Variants in FANCL observed in about 807,000 individuals in gnomAD.
FANCL encodes E3 ubiquitin-protein ligase FANCL.
A neutral mutation model predicts 59.4 loss-of-function variants in FANCL; 69 were observed. That is an observed-to-expected ratio of 1.16 (90% CI 0.96 to 1.42). The LOEUF is 1.42. Ranked by LOEUF, FANCL falls within the 40% of genes most tolerant of loss-of-function variation. The probability of loss-of-function intolerance (pLI) is 0.00; values close to 1 mark genes in which losing one functional copy is unlikely to be tolerated. For synonymous variants in FANCL, 180 were observed against 147.1 expected, an observed-to-expected ratio of 1.22 and a Z score of -1.62; for missense variants, 519 against 447.2, an observed-to-expected ratio of 1.16 and a Z score of -1.45.
rs73944840 is a variant in FANCL, at chr2:58,226,460, G to A, written c.273+268C>T. ...TAAACTCTCTGCTGATAGGCCAGGA[G>A]TACATTTTATTTCTTCACCACCTGC... On this transcript the variant is annotated intron_variant, in intron 4 of 13. Coordinates refer to ENST00000233741, the MANE Select transcript of FANCL (RefSeq NM_018062.4). Among the ~76,000 whole-genome samples, 3,813 of 152,174 alleles carry A rather than the reference G, an allele frequency of 0.025. 162 individuals are homozygous for A. Among genetic ancestry groups the A allele is most frequent in the African/African-American group, 0.088 (3,636 of 41,520 alleles).
chr2:58,177,986 C>T (rs1205955274), intron 7 of FANCL, among the ~76,000 whole-genome samples: 1 of 151,978 alleles, frequency 6.6e-6, no homozygotes, highest in African/African-American at 2.4e-5. Flanking sequence ...ACTAGAAAAT[C>T]TAGAAGAAGT....
At chr2:58,172,172 G>C (rs564011391) in intron 7 of FANCL, among the ~76,000 whole-genome samples, 1 of 152,208 alleles carries the variant, frequency 6.6e-6, no homozygotes, top group South Asian at 2.1e-4. Flanking sequence ...CTGGGGACAC[G>C]GCACAGACAA....
At chr2:58,204,328 T>G in intron 5 of FANCL, 102 bp from the exon 6 acceptor site, 1 of 895,072 alleles carries the variant, frequency 1.1e-6, no homozygotes, top group Non-Finnish European at 1.9e-6. Flanking sequence ...TATATTCCTA[T>G]TAATCCATTA....
At chr2:58,174,901 T>G (rs1687116706) in intron 7 of FANCL, among the ~76,000 whole-genome samples, 1 of 151,464 alleles carries the variant, frequency 6.6e-6, no homozygotes, top group South Asian at 2.1e-4. Flanking sequence ...GCAAGACTAA[T>G]AAAGAAGAGA....
At chr2:58,205,775 G>A (rs1194445513) in intron 5 of FANCL, among the ~76,000 whole-genome samples, 2 of 149,996 alleles carry the variant, frequency 1.3e-5, no homozygotes, top group East Asian at 3.8e-4. Context: ...CAAAAATGCA[G>A]TGTTCAGGAT....
At chr2:58,225,286 A>C (rs945812734) in intron 4 of FANCL, among the ~76,000 whole-genome samples, 1 of 151,896 alleles carries the variant, frequency 6.6e-6, no homozygotes, top group Non-Finnish European at 1.5e-5. Flanking sequence ...TCATTATTCT[A>C]AAAATTGGTT....
chr2:58,218,848 G>A (rs1692115586), intron 5 of FANCL, among the ~76,000 whole-genome samples: 1 of 151,810 alleles, frequency 6.6e-6, no homozygotes, highest in South Asian at 2.1e-4. Context: ...TGGAGTTGTA[G>A]ACATCAGTAT....
intron 7 of FANCL, chr2:58,194,209 G>T: frequency 2.1e-6 from 1 of 470,996 alleles, no homozygotes; most frequent in South Asian, 1.5e-5. Context: ...CACCAAGCCT[G>T]CACTTAGTGG....
chr2:58,214,888 G>A (rs1043436822), intron 5 of FANCL, among the ~76,000 whole-genome samples: 7 of 151,940 alleles, frequency 4.6e-5, no homozygotes, highest in Non-Finnish European at 1.0e-4. Context: ...ATTATTAGCA[G>A]GGTAAAAAAA....
At chr2:58,172,378 T>C (rs1161224145) in intron 7 of FANCL, among the ~76,000 whole-genome samples, 1 of 152,144 alleles carries the variant, frequency 6.6e-6, no homozygotes, top group Non-Finnish European at 1.5e-5. Flanking sequence ...ACACCTCACA[T>C]GGCCAGGTAC....
At chr2:58,164,106 C>T (rs990978570) in intron 8 of FANCL, among the ~76,000 whole-genome samples, 1 of 151,916 alleles carries the variant, frequency 6.6e-6, no homozygotes, top group Non-Finnish European at 1.5e-5. Flanking sequence ...CAATAAGTAA[C>T]CTAATTTCGC....
At chr2:58,230,303 A>G (rs1205691894) in intron 2 of FANCL, among the ~76,000 whole-genome samples, 1 of 152,066 alleles carries the variant, frequency 6.6e-6, no homozygotes, top group Non-Finnish European at 1.5e-5. Flanking sequence ...GATACATTTT[A>G]TTTTTATTTT....
At chr2:58,177,003 T>C (rs1393262940) in intron 7 of FANCL, among the ~76,000 whole-genome samples, 2 of 152,096 alleles carry the variant, frequency 1.3e-5, no homozygotes, top group Non-Finnish European at 2.9e-5. Flanking sequence ...AAGAAGACAT[T>C]TATGCAGCCA....
chr2:58,203,619 G>A (rs535947903), intron 6 of FANCL, among the ~76,000 whole-genome samples: 1 of 152,044 alleles, frequency 6.6e-6, no homozygotes, highest in Non-Finnish European at 1.5e-5. Flanking sequence ...TCTATAAATA[G>A]AGGCATAACC....
At chr2:58,226,591 T>C in intron 4 of FANCL, 137 bp downstream of exon 4, 1 of 701,588 alleles carries the variant, frequency 1.4e-6, no homozygotes, top group Non-Finnish European at 2.5e-6. Flanking sequence ...TATATTTATG[T>C]ACACAGTAAA....
At chr2:58,191,515 T>C (rs756826489) in intron 7 of FANCL, among the ~76,000 whole-genome samples, 20 of 151,940 alleles carry the variant, frequency 1.3e-4, no homozygotes, top group Non-Finnish European at 1.9e-4. Flanking sequence ...ACAATGTATA[T>C]GTAGTCACCT....
chr2:58,240,761 G>A (rs1158785803), intron 1 of FANCL, among the ~76,000 whole-genome samples: 1 of 152,122 alleles, frequency 6.6e-6, no homozygotes, highest in Non-Finnish European at 1.5e-5. Flanking sequence ...CTTGGCAAAG[G>A]GCCAAAATAA....
intron 5 of FANCL, among the ~76,000 whole-genome samples, chr2:58,208,091 G>T (rs1238932921): frequency 1.3e-5 from 2 of 152,114 alleles, no homozygotes; most frequent in African/African-American, 4.8e-5. Flanking sequence ...TAAGTTGGAC[G>T]TCTCACTTTA....
chr2:58,206,889 G>C (rs1690642278), intron 5 of FANCL, among the ~76,000 whole-genome samples: 1 of 152,170 alleles, frequency 6.6e-6, no homozygotes, highest in Non-Finnish European at 1.5e-5. Context: ...GGCACAGAAA[G>C]AAACCTTACT....
Sources: gnomAD v4.1 joint callset for allele counts (sites outside exome capture counted in the v4.1 genomes callset) on GRCh38, gnomAD v4.1.1 for gene constraint, MANE v1.5 for transcripts, NCBI Gene and HGNC (gene_info 2026-07-23, HGNC 2026-07-21) for gene names.